Variants in RAB35 observed in about 807,000 individuals in gnomAD.
RAB35 encodes ras-related protein Rab-35.
RAB35 carries 4 observed loss-of-function variants against 28.9 expected under a neutral mutation model. The observed-to-expected ratio is 0.14, with a 90% CI of 0.07 to 0.32. The LOEUF (loss-of-function observed/expected upper bound fraction) is 0.32. Among genes scored for constraint, RAB35 ranks in the 10% least tolerant of loss-of-function variants. The probability of loss-of-function intolerance (pLI) is 1.00; values close to 1 mark genes in which losing one functional copy is unlikely to be tolerated. For missense variants in RAB35, 128 were observed against 274.0 expected, an observed-to-expected ratio of 0.47 and a Z score of 3.76; for synonymous variants, 99 against 105.1, an observed-to-expected ratio of 0.94 and a Z score of 0.35.
At chr12:120,102,508 C>T (rs1481584729) in intron 3 of RAB35, among the ~76,000 whole-genome samples, 4 of 152,210 alleles carry the variant, frequency 2.6e-5, no homozygotes. Flanking sequence ...GGACTGGGAG[C>T]TCCCAGGGAT....
chr12:120,104,387 A>T (rs1017575956), intron 2 of RAB35, among the ~76,000 whole-genome samples: 6 of 152,186 alleles, frequency 3.9e-5, no homozygotes, highest in African/African-American at 1.2e-4. Context: ...ATAGGTCATG[A>T]GCTGCAGTCT....
intron 3 of RAB35, among the ~76,000 whole-genome samples, chr12:120,099,967 A>T (rs573568188): frequency 1.3e-5 from 2 of 152,334 alleles, no homozygotes; most frequent in African/African-American, 4.8e-5. Flanking sequence ...GCAATCAGCC[A>T]GAGCTGTCCC....
intron 2 of RAB35, 21 bp downstream of exon 2, chr12:120,108,396 G>A (rs775707817): frequency 2.5e-5 from 40 of 1,607,074 alleles, no homozygotes; most frequent in Non-Finnish European, 2.0e-5. Flanking sequence ...CACCCCAGCA[G>A]CACTGCAGGG....
chr12:120,106,816 T>C (rs1054338549), intron 2 of RAB35, among the ~76,000 whole-genome samples: 11 of 152,104 alleles, frequency 7.2e-5, no homozygotes, highest in Non-Finnish European at 1.2e-4. Context: ...CTCAATCTCC[T>C]GACCTCATGA....
rs767743075 is a variant in RAB35 at position 120,097,388 on chromosome 12, GAGGA to G, written c.478-19_478-16del. The G allele has an allele frequency of 1.2e-5, 20 of 1,603,216 alleles. No homozygotes were observed. In the South Asian group the frequency reaches 2.2e-4, roughly 18 times the overall value. On this transcript the variant is annotated splice_polypyrimidine_tract_variant and intron_variant, in intron 5 of 5. Transcript: ENST00000229340. Reference sequence around the variant, plus strand: ...CAGTTGAACATCTGTGGAGAGGAAAGAGGAAGGGCCCGCCTCAGACCTGGCCAGG... The same window carrying G: ...CAGTTGAACATCTGTGGAGAGGAAAGAGGGCCCGCCTCAGACCTGGCCAGG...
intron 2 of RAB35, 59 bp downstream of exon 2, chr12:120,108,358 G>T: frequency 6.6e-7 from 1 of 1,505,036 alleles, no homozygotes; most frequent in Non-Finnish European, 9.2e-7. Flanking sequence ...GTGCCAGGGA[G>T]GGGATGTCAA....
rs778500682 is a variant in RAB35 at position 120,097,257 on chromosome 12, T to C, written c.594A>G (p.Lys198=). 1.2e-6 allele frequency: 2 copies of C among 1,613,958 alleles called. No individual in the cohort carries two copies. The highest frequency in any genetic ancestry group is 1.7e-6 in the Non-Finnish European group (2 of 1,180,052). Residue 198 remains lysine, a synonymous_variant, in exon 6 of 6, where the codon AAA becomes AAG. Transcript: ENST00000229340. ...VKLTKNSKRK[K]RCC ...GGACTGGGTGCCATTAGCAGCAGCGTTTCTTTCGTTTACTGTTCTTCGTGA... is the reference window on the plus strand; with the variant it reads ...GGACTGGGTGCCATTAGCAGCAGCGCTTCTTTCGTTTACTGTTCTTCGTGA...
rs1303760682 is a variant in RAB35 at position 120,095,143 on chromosome 12, T to C, written c.*2102A>G. On this transcript the variant is annotated 3_prime_UTR_variant, in exon 6 of 6. Transcript: ENST00000229340. ...ATTTTTAGTATTTTTTTAAAAAGCA[T>C]AATTAGAAACTTTCAATACAGAAAT... 1 of 152,312 alleles carries C rather than the reference T, an allele frequency of 6.6e-6. No individual in the cohort carries two copies. Among genetic ancestry groups the C allele is most frequent in the Non-Finnish European group, 1.5e-5 (1 of 68,028 alleles). The allele number at this position is 152,312 out of a possible 1,614,324, so 9.4% of individuals were successfully genotyped here.
In RAB35 at chr12:120,103,855, C is replaced by G. The variant is rs760991349; in HGVS notation, c.198G>C (p.Gly66=). The change falls in exon 3 of 6, where the codon GGG becomes GGC. Residue 66 remains glycine (G), a synonymous_variant. Transcript: ENST00000229340. The surrounding 1 kb of genome is among the most constrained non-coding windows in gnomAD (Gnocchi z 6.1). ...KVKLQIWDTA[G]QERFRTITST... Reference sequence around the variant, plus strand: ...AGGTGATGGTGCGGAAGCGCTCCTGCCCCGCTGTGTCCCAGATCTGCAGCT... The same window carrying G: ...AGGTGATGGTGCGGAAGCGCTCCTGGCCCGCTGTGTCCCAGATCTGCAGCT... 1 of 1,614,128 alleles carries G rather than the reference C, an allele frequency of 6.2e-7. No individual in the cohort carries two copies. The highest frequency in any genetic ancestry group is 1.1e-5 in the South Asian group (1 of 91,080).
intron 2 of RAB35, among the ~76,000 whole-genome samples, chr12:120,105,916 CAAAAAAA>C (rs61681731): frequency 6.0e-5 from 3 of 49,814 alleles, no homozygotes; most frequent in African/African-American, 1.3e-4. Context: ...GACTCCGTCT[CAAAAAAA>C]AAAAAAAAAA....
At chr12:120,104,442 G>A (rs575569170) in intron 2 of RAB35, among the ~76,000 whole-genome samples, 6 of 152,322 alleles carry the variant, frequency 3.9e-5, no homozygotes, top group Non-Finnish European at 4.4e-5. Flanking sequence ...AAAAACAGCC[G>A]TGAGTGGGGG....
rs1226113459 is a variant in RAB35 at position 120,103,764 on chromosome 12, T to TC, written c.227+61dup. The stretch of plus-strand genomic sequence containing the variant: ...CATTTCCACCATGACCAGGCACCGG[T>TC]CGCTCAACTGTGTCCACAGGTCAGT... On this transcript the variant is annotated intron_variant, in intron 3 of 5. Transcript: ENST00000229340. This position sits in a 1 kb window ranked among gnomAD's most constrained non-coding sequence, Gnocchi z 6.1. The TC allele has an allele frequency of 2.5e-5, 40 of 1,590,412 alleles. No individual in the cohort carries two copies. Among genetic ancestry groups the TC allele is most frequent in the Non-Finnish European group, 3.3e-5 (38 of 1,166,512 alleles).
At chr12:120,101,222 GTATCCATTACCT>G (rs1195636794) in intron 3 of RAB35, among the ~76,000 whole-genome samples, 2 of 152,210 alleles carry the variant, frequency 1.3e-5, no homozygotes, top group Non-Finnish European at 2.9e-5. Context: ...TGGGGGCTTG[GTATCCATTACCT>G]TATTAATGTC....
At chr12:120,114,705 A>C (rs146752741) in intron 1 of RAB35, among the ~76,000 whole-genome samples, 1 of 152,352 alleles carries the variant, frequency 6.6e-6, no homozygotes, top group Non-Finnish European at 1.5e-5. Context: ...GTCTTCTCCC[A>C]CACCTGACTT....
chr12:120,107,866 C>CAAAAAAAAAAAAAA (rs57274207), intron 2 of RAB35, among the ~76,000 whole-genome samples: 1 of 31,976 alleles, frequency 3.1e-5, no homozygotes, highest in Non-Finnish European at 7.0e-5. Context: ...GACTCCATCT[C>CAAAAAAAAAAAAAA]AAAAAAAAAA....
At chr12:120,112,287 T>C (rs1003083167) in intron 1 of RAB35, among the ~76,000 whole-genome samples, 6 of 151,978 alleles carry the variant, frequency 3.9e-5, no homozygotes, top group East Asian at 1.9e-4. Flanking sequence ...CTTTTACCCC[T>C]GGCTGCTGTA....
rs1875567501 is a variant in RAB35, at chr12:120,099,346, G to C, written c.228-192C>G. 1.8e-5 allele frequency: 13 copies of C among 724,210 alleles called. No homozygotes were observed. In the South Asian group the frequency reaches 2.4e-4, roughly 14 times the overall value. The allele number at this position is 724,210 out of a possible 1,614,324, so 44.9% of individuals were successfully genotyped here. On this transcript the variant is annotated intron_variant, in intron 3 of 5. Coordinates refer to ENST00000229340, the MANE Select transcript of RAB35 (RefSeq NM_006861.7). ...CAGGAGAGGCTACTGCGGCAGCACT[G>C]ACTCCCCCTGCCCGCCCGGGGCACC...
At chr12:120,112,891 AT>A (rs570245591) in intron 1 of RAB35, among the ~76,000 whole-genome samples, 9,280 of 136,458 alleles carry the variant, frequency 0.068, 542 homozygotes, top group African/African-American at 0.17. Context: ...CGCCCAACTG[AT>A]TTTTTTTTTT....
At chr12:120,102,399 A>G (rs1329267519) in intron 3 of RAB35, among the ~76,000 whole-genome samples, 1 of 151,996 alleles carries the variant, frequency 6.6e-6, no homozygotes, top group African/African-American at 2.4e-5. Context: ...TGTCCTCCGC[A>G]GATTCTCACT....
Sources: allele counts gnomAD v4.1 joint callset (sites outside exome capture counted in the v4.1 genomes callset), GRCh38; gene constraint gnomAD v4.1.1; non-coding constraint Gnocchi (gnomAD v3.1); transcripts MANE v1.5; gene names NCBI Gene and HGNC (gene_info 2026-07-23, HGNC 2026-07-21).